Variants in HIVEP3 observed in about 807,000 individuals in gnomAD.
HIVEP3 encodes transcription factor HIVEP3.
A neutral mutation model predicts 152.8 loss-of-function variants in HIVEP3; 49 were observed. The observed-to-expected ratio is 0.32, with a 90% confidence interval of 0.26 to 0.41. HIVEP3 has a LOEUF of 0.41. Ranked by LOEUF, HIVEP3 falls within the 10% of genes least tolerant of loss-of-function variation. The pLI is 1.00. For missense variants in HIVEP3, 2,790 were observed against 3,103.3 expected (o/e 0.90, Z 2.40); for synonymous variants, 1,269 against 1,289.0 (o/e 0.98, Z 0.33).
rs1283350636 is a variant in HIVEP3 at position 41,798,020 on chromosome 1, C to A, written c.-800-97025G>T. On this transcript the variant is annotated intron_variant, in intron 1 of 8. Transcript: ENST00000372583. Reference sequence around the variant, plus strand: ...AAAACAAAAACAAAAAACCATCATTCTCAGCAAACTATTACAGGACAAAAA... The same window carrying A: ...AAAACAAAAACAAAAAACCATCATTATCAGCAAACTATTACAGGACAAAAA... Among the ~76,000 whole-genome samples, 3 of 152,006 alleles carry A rather than the reference C, an allele frequency of 2.0e-5. No homozygotes were observed. The South Asian group carries it at 6.2e-4, about 32-fold the overall frequency.
At chr1:41,802,541 T>C (rs766445544) in intron 1 of HIVEP3, among the ~76,000 whole-genome samples, 2 of 152,180 alleles carry the variant, frequency 1.3e-5, no homozygotes, top group Non-Finnish European at 2.9e-5. Context: ...TTTTTGGCTT[T>C]CATCTTCAAT....
chr1:41,651,803 G>C (rs1220450639), intron 2 of HIVEP3, among the ~76,000 whole-genome samples: 1 of 152,062 alleles, frequency 6.6e-6, no homozygotes, highest in Admixed American at 6.6e-5. Flanking sequence ...GCCACCTCTA[G>C]GCAGTAACAA....
intron 2 of HIVEP3, among the ~76,000 whole-genome samples, chr1:41,641,601 T>C (rs1570190746): frequency 6.6e-6 from 1 of 152,236 alleles, no homozygotes; most frequent in East Asian, 1.9e-4. Context: ...CCTTTTTCCA[T>C]AGAAAGTTTC....
At chr1:41,840,660 A>G (rs1416653398) in intron 1 of HIVEP3, among the ~76,000 whole-genome samples, 1 of 152,210 alleles carries the variant, frequency 6.6e-6, no homozygotes, top group East Asian at 1.9e-4. Context: ...TCTCCCTCAA[A>G]GACAGCCAGG....
chr1:41,979,448 A>C (rs1020326090), intron 1 of HIVEP3, among the ~76,000 whole-genome samples: 1 of 152,196 alleles, frequency 6.6e-6, no homozygotes, highest in African/African-American at 2.4e-5. Context: ...CTTGTCCACA[A>C]GCTCTCAGCT....
chr1:41,716,115 G>A (rs1234674536), intron 1 of HIVEP3, among the ~76,000 whole-genome samples: 2 of 152,252 alleles, frequency 1.3e-5, no homozygotes, highest in South Asian at 2.1e-4. Flanking sequence ...GGGAGCACAG[G>A]GAGGGCTTGC....
chr1:41,666,523 A>C (rs1203797103), intron 2 of HIVEP3, among the ~76,000 whole-genome samples: 1 of 152,176 alleles, frequency 6.6e-6, no homozygotes, highest in African/African-American at 2.4e-5. Context: ...CAGTGTACAA[A>C]ATAGTAGGTG....
At chr1:41,781,961 C>T (rs918170454) in intron 1 of HIVEP3, among the ~76,000 whole-genome samples, 5 of 152,188 alleles carry the variant, frequency 3.3e-5, no homozygotes, top group Admixed American at 6.5e-5. Context: ...CCAGAAACCC[C>T]TCAAAAGCAA....
intron 2 of HIVEP3, among the ~76,000 whole-genome samples, chr1:41,635,300 C>A (rs1187537723): frequency 1.3e-5 from 2 of 151,932 alleles, no homozygotes; most frequent in African/African-American, 4.8e-5. Context: ...ATCAAAGCTG[C>A]ATCTAGAAGA....
At chr1:41,752,669 C>T (rs1056101232) in intron 1 of HIVEP3, among the ~76,000 whole-genome samples, 5 of 152,234 alleles carry the variant, frequency 3.3e-5, no homozygotes, top group Admixed American at 2.6e-4. Context: ...ACCGACAGAA[C>T]CAGCAGTCTG....
intron 5 of HIVEP3, among the ~76,000 whole-genome samples, chr1:41,536,568 C>T (rs74069906): frequency 0.064 from 9,746 of 151,970 alleles, 1,060 homozygotes; most frequent in African/African-American, 0.22. Context: ...GGAGGGGACG[C>T]GGTGGGGACT....
At chr1:41,607,847 G>A (rs961247515) in intron 3 of HIVEP3, among the ~76,000 whole-genome samples, 5 of 152,236 alleles carry the variant, frequency 3.3e-5, no homozygotes, top group East Asian at 1.9e-4. Context: ...TGGCTTCACC[G>A]TGTGGACATC....
chr1:41,729,260 T>C (rs1235466666), intron 1 of HIVEP3, among the ~76,000 whole-genome samples: 1 of 152,216 alleles, frequency 6.6e-6, no homozygotes, highest in Non-Finnish European at 1.5e-5. Flanking sequence ...TTCCCTCTAC[T>C]TCCAACATTA....
intron 1 of HIVEP3, among the ~76,000 whole-genome samples, chr1:41,810,034 G>A (rs537895377): frequency 6.6e-6 from 1 of 152,238 alleles, no homozygotes; most frequent in Non-Finnish European, 1.5e-5. Flanking sequence ...AGCCAGTCAA[G>A]TTTTATACCT....
intron 1 of HIVEP3, among the ~76,000 whole-genome samples, chr1:41,703,457 A>C (rs539481489): frequency 6.6e-6 from 1 of 152,286 alleles, no homozygotes; most frequent in South Asian, 2.1e-4. Flanking sequence ...TCTGATACTT[A>C]ATAGCTGTGG....
chr1:41,714,114 T>C (rs1184269439), intron 1 of HIVEP3, among the ~76,000 whole-genome samples: 1 of 152,174 alleles, frequency 6.6e-6, no homozygotes. Flanking sequence ...ATGACTCCGA[T>C]GAGCTCACCA....
At chr1:41,898,006 G>T (rs954023599) in intron 1 of HIVEP3, among the ~76,000 whole-genome samples, 1 of 151,266 alleles carries the variant, frequency 6.6e-6, no homozygotes, top group Non-Finnish European at 1.5e-5. Flanking sequence ...AGGACCCAGG[G>T]TGGAGGGAAA....
At chr1:41,544,826 CACCA>C (rs1558046139) in intron 5 of HIVEP3, among the ~76,000 whole-genome samples, 77 of 126,724 alleles carry the variant, frequency 6.1e-4, no homozygotes, top group African/African-American at 1.9e-3. Flanking sequence ...CCTCTACCAC[CACCA>C]TCACCACCAC....
chr1:41,545,407 A>AC (rs1440665918), intron 5 of HIVEP3, among the ~76,000 whole-genome samples: 4 of 5,706 alleles, frequency 7.0e-4, no homozygotes, highest in Non-Finnish European at 1.6e-3. Flanking sequence ...ACTACCACCA[A>AC]TACCACCATC....
Sources: allele counts gnomAD v4.1 joint callset (sites outside exome capture counted in the v4.1 genomes callset), GRCh38; gene constraint gnomAD v4.1.1; transcripts MANE v1.5; gene names NCBI Gene and HGNC (gene_info 2026-07-23, HGNC 2026-07-21).